The following PDE4D variants were observed in gnomAD, a reference collection of about 807,000 sequenced individuals.
The protein encoded by PDE4D is phosphodiesterase 4D.
A neutral mutation model predicts 87.4 loss-of-function variants in PDE4D; 24 were observed. The ratio of observed to expected loss-of-function variants is 0.27; its 90% CI spans 0.20 to 0.39. The LOEUF is 0.39. Ranked by LOEUF, PDE4D falls within the 10% of genes least tolerant of loss-of-function variation. The probability of loss-of-function intolerance (pLI) is 1.00; values close to 1 mark genes in which losing one functional copy is unlikely to be tolerated. For missense variants in PDE4D, 714 were observed against 1,041.0 expected (o/e 0.69, Z 4.32); for synonymous variants, 384 against 383.2 (o/e 1.00, Z -0.02).
At chr5:59,131,665 G>GC (rs1776308119) in intron 5 of PDE4D, among the ~76,000 whole-genome samples, 1 of 146,038 alleles carries the variant, frequency 6.8e-6, no homozygotes, top group East Asian at 2.1e-4. Context: ...AGATTTCTAA[G>GC]CCCCCCATGG....
intron 1 of PDE4D, among the ~76,000 whole-genome samples, chr5:59,809,933 T>C (rs1225674192): frequency 1.3e-5 from 2 of 152,232 alleles, no homozygotes; most frequent in Non-Finnish European, 2.9e-5. Context: ...TTGCATCGTT[T>C]ATTATTACAA....
At chr5:59,541,834 A>AT (rs1028015162) in intron 1 of PDE4D, among the ~76,000 whole-genome samples, 18 of 152,216 alleles carry the variant, frequency 1.2e-4, no homozygotes, top group African/African-American at 4.3e-4. Flanking sequence ...GGTGGGACCC[A>AT]TTATAAGGAT....
Position 58,974,908 on chromosome 5 carries a change from C to A in PDE4D, c.2186G>T (p.Gly729Val). 1 of 1,612,680 alleles carries A rather than the reference C, an allele frequency of 6.2e-7. No homozygotes were observed. Among genetic ancestry groups the A allele is most frequent in the Non-Finnish European group, 8.5e-7 (1 of 1,178,988 alleles). Residue 729 changes from glycine to valine, a missense_variant, in exon 15 of 15, where the codon GGT becomes GTT. Around this residue, in one of 7 missense-constraint regions of PDE4D, gnomAD observed 90 missense variants for 95.3 expected, o/e 0.94. Coordinates refer to ENST00000340635, the MANE Select transcript of PDE4D (RefSeq NM_001104631.2). Reference sequence around the variant, plus strand: ...TTCAAACTGGAATTTCTCAGTTTGACCCTGCCGGCCCTCCTCTGGGTCATC... The same window carrying A: ...TTCAAACTGGAATTTCTCAGTTTGAACCTGCCGGCCCTCCTCTGGGTCATC... ...APDDPEEGRQGQTEKFQFELT... is the reference protein window; with the variant it reads ...APDDPEEGRQVQTEKFQFELT...
At position 60,198,539 on chromosome 5, in the gene PDE4D, T is replaced by G. The variant is rs188652489; in HGVS notation, c.-89-12852A>C. ...TCAAGATAAATGTAGATACTGAAAC[T>G]CACATTTCAAGGCTACTACTGTGTA... On this transcript the variant is annotated intron_variant, in intron 1 of 16. Coordinates refer to the PDE4D transcript ENST00000502484. Among the ~76,000 whole-genome samples the G allele has an allele frequency of 2.0e-5, 3 of 151,750 alleles. No homozygotes were observed. The East Asian group carries it at 5.8e-4, about 29-fold the overall frequency.
chr5:60,335,308 G>A (rs1409752758), intron 1 of PDE4D, among the ~76,000 whole-genome samples: 1 of 152,200 alleles, frequency 6.6e-6, no homozygotes, highest in East Asian at 1.9e-4. Context: ...GAAGGGGTGA[G>A]AGCAGGCTCA....
chr5:60,282,657 T>C (rs1752056590), intron 1 of PDE4D, among the ~76,000 whole-genome samples: 1 of 152,208 alleles, frequency 6.6e-6, no homozygotes, highest in Non-Finnish European at 1.5e-5. Flanking sequence ...GATTATTCCA[T>C]TTGGAGATCC....
At chr5:60,104,478 T>C (rs1421985441) in intron 2 of PDE4D, among the ~76,000 whole-genome samples, 1 of 152,220 alleles carries the variant, frequency 6.6e-6, no homozygotes, top group African/African-American at 2.4e-5. Context: ...CAGACTTAAA[T>C]GTCCCTGTCT....
At chr5:60,396,110 AG>A (rs1482354080) in intron 1 of PDE4D, among the ~76,000 whole-genome samples, 1 of 152,196 alleles carries the variant, frequency 6.6e-6, no homozygotes. Context: ...ATCCACCCAA[AG>A]GGGGCACTGC....
chr5:59,812,211 C>T (rs1216539522), intron 1 of PDE4D, among the ~76,000 whole-genome samples: 5 of 152,192 alleles, frequency 3.3e-5, no homozygotes, highest in African/African-American at 9.6e-5. Flanking sequence ...CTGAGGTCCA[C>T]GTCTGAAACC....
intron 1 of PDE4D, chr5:60,430,706 C>T (rs367830615): frequency 0.023 from 6,059 of 267,054 alleles, 120 homozygotes; most frequent in Middle Eastern, 0.05. Context: ...GCAGTGTTTG[C>T]GTCCCTGGGT....
intron 1 of PDE4D, among the ~76,000 whole-genome samples, chr5:59,879,629 T>C (rs1233978677): frequency 6.6e-6 from 1 of 152,260 alleles, no homozygotes; most frequent in Non-Finnish European, 1.5e-5. Context: ...ACTCATTAAT[T>C]AACTACATCA....
chr5:60,386,631 C>T (rs1436135329), intron 1 of PDE4D, among the ~76,000 whole-genome samples: 6 of 152,142 alleles, frequency 3.9e-5, no homozygotes, highest in Admixed American at 1.3e-4. Flanking sequence ...GGCAGCCCTG[C>T]GCATGAACTT....
chr5:60,179,942 A>G, intron 2 of PDE4D, among the ~76,000 whole-genome samples: 1 of 152,190 alleles, frequency 6.6e-6, no homozygotes, highest in East Asian at 1.9e-4. Context: ...GTCTGTAAGA[A>G]TAATTTTTTA....
At chr5:59,845,566 A>G (rs999775377) in intron 1 of PDE4D, among the ~76,000 whole-genome samples, 3 of 152,138 alleles carry the variant, frequency 2.0e-5, no homozygotes, top group African/African-American at 7.2e-5. Context: ...ATGTGAATAC[A>G]ATGCAAACTT....
chr5:59,107,606 G>A (rs1771835385), intron 5 of PDE4D, among the ~76,000 whole-genome samples: 1 of 152,182 alleles, frequency 6.6e-6, no homozygotes, highest in Non-Finnish European at 1.5e-5. Context: ...TTCAGTAGAA[G>A]GAGAAGTAGA....
At position 59,762,891 on chromosome 5, in the gene PDE4D, A is replaced by ATATATC. The variant is rs1225575340; in HGVS notation, c.455+130276_455+130277insGATATA. On this transcript the variant is annotated intron_variant, in intron 1 of 14. Coordinates refer to ENST00000340635, the MANE Select transcript of PDE4D (RefSeq NM_001104631.2). The stretch of plus-strand genomic sequence containing the variant: ...TATATATATATATATATATATATAT[A>ATATATC]TAGCTTGCTCTTTCTCATTTTATAG... Among the ~76,000 whole-genome samples, 14 of 117,648 alleles carry ATATATC rather than the reference A, an allele frequency of 1.2e-4. 1 individual carries two copies. The highest frequency in any genetic ancestry group is 1.8e-5 in the Non-Finnish European group (1 of 55,242). The allele number at this position is 117,648 out of a possible 152,430, so 77.2% of individuals were successfully genotyped here.
intron 1 of PDE4D, among the ~76,000 whole-genome samples, chr5:59,494,587 C>T (rs1806808923): frequency 6.6e-6 from 1 of 152,114 alleles, no homozygotes; most frequent in African/African-American, 2.4e-5. Flanking sequence ...ATTTTATATG[C>T]CCAAACTTTT....
At chr5:60,520,756 G>T (rs1751001764) in intron 1 of PDE4D, among the ~76,000 whole-genome samples, 1 of 152,198 alleles carries the variant, frequency 6.6e-6, no homozygotes, top group Admixed American at 6.5e-5. Context: ...CCACGGCCCT[G>T]GCCCAGGAGG....
chr5:59,786,306 G>C (rs1017006315), intron 1 of PDE4D, among the ~76,000 whole-genome samples: 2 of 152,232 alleles, frequency 1.3e-5, no homozygotes, highest in African/African-American at 4.8e-5. Flanking sequence ...CAGGGATTTA[G>C]AAAGATAAGG....
Sources: gnomAD v4.1 joint callset for allele counts (sites outside exome capture counted in the v4.1 genomes callset) on GRCh38, gnomAD v4.1.1 for gene constraint, gnomAD v4.1.1 regional missense constraint, MANE v1.5 for transcripts, NCBI Gene and HGNC (gene_info 2026-07-23, HGNC 2026-07-21) for gene names.